GLRA2: variants seen among roughly 807,000 people sequenced by gnomAD.
The protein encoded by GLRA2 is glycine receptor alpha 2.
GLRA2 carries 11 observed loss-of-function variants against 31.6 expected under a neutral mutation model. That is an observed-to-expected ratio of 0.35 (90% confidence interval 0.22 to 0.58). The LOEUF (loss-of-function observed/expected upper bound fraction) is 0.58. Among genes scored for constraint, GLRA2 ranks in the 20% least tolerant of loss-of-function variants. The pLI, the probability that GLRA2 is intolerant of heterozygous loss-of-function variation, is 0.84. For missense variants in GLRA2, 212 were observed against 351.8 expected (o/e 0.60, Z 3.18); for synonymous variants, 132 against 134.0 (o/e 0.99, Z 0.10).
rs143234039 is a variant in GLRA2, at chrX:14,662,671, T to C, written c.931-28039T>C. On this transcript the variant is annotated intron_variant, in intron 7 of 8. Coordinates refer to ENST00000218075, the MANE Select transcript of GLRA2 (RefSeq NM_002063.4). Reference sequence around the variant, plus strand: ...AAGTCTTCCCTGACCACATATACTATGGGCACAGTACCTAAGTTTGCATCT... The same window carrying C: ...AAGTCTTCCCTGACCACATATACTACGGGCACAGTACCTAAGTTTGCATCT... Among the ~76,000 whole-genome samples the C allele has an allele frequency of 5.1e-3, 569 of 111,772 alleles. 6 individuals are homozygous for C. The highest frequency in any genetic ancestry group is 0.017 in the African/African-American group (526 of 30,857).
At chrX:14,576,142 T>C (rs989711901) in intron 3 of GLRA2, among the ~76,000 whole-genome samples, 8 of 111,018 alleles carry the variant, frequency 7.2e-5, no homozygotes, top group African/African-American at 2.6e-4. Flanking sequence ...AATAAATTAC[T>C]GTTCTTTGTG....
chrX:14,653,568 T>A (rs753654480), intron 7 of GLRA2, among the ~76,000 whole-genome samples: 3 of 111,719 alleles, frequency 2.7e-5, no homozygotes, highest in Admixed American at 1.9e-4. Context: ...AGATGAGGAG[T>A]TGATGAAGAA....
chrX:14,615,348 T>C (rs1481231060), intron 7 of GLRA2, among the ~76,000 whole-genome samples: 1 of 112,333 alleles, frequency 8.9e-6, no homozygotes, highest in Non-Finnish European at 1.9e-5. Context: ...ACTTATTGAA[T>C]GTTTTATCTG....
chrX:14,570,887 G>T (rs1372784521), intron 2 of GLRA2, among the ~76,000 whole-genome samples: 4 of 111,413 alleles, frequency 3.6e-5, no homozygotes. Flanking sequence ...CTTGGTGCTG[G>T]GGGCAGATGA....
chrX:14,607,277 C>CTTTTTTT lies in GLRA2; in HGVS notation c.715+18_715+24dup. 1.0e-6 allele frequency: 1 copy of CTTTTTTT among 981,280 alleles called. No homozygotes were observed. The highest frequency in any genetic ancestry group is 1.4e-6 in the Non-Finnish European group (1 of 734,376). 80.9% of individuals were successfully genotyped at this position (981,280 alleles called of 1,213,427 possible). ...AAAGCACTACAACACTGGTAAGTTTCTTTTTTTTTTTTTTTCAGCTGTTAA... is the reference window on the plus strand; with the variant it reads ...AAAGCACTACAACACTGGTAAGTTTCTTTTTTTTTTTTTTTTTTTTTTCAGCTGTTAA... On this transcript the variant is annotated intron_variant, in intron 6 of 8. Transcript: ENST00000218075.
chrX:14,567,324 T>C (rs1044522511), intron 2 of GLRA2, among the ~76,000 whole-genome samples: 1 of 111,981 alleles, frequency 8.9e-6, no homozygotes, highest in African/African-American at 3.2e-5. Flanking sequence ...ATATACCACA[T>C]TAATAGAATG....
At chrX:14,555,318 G>A (rs1228855159) in intron 2 of GLRA2, among the ~76,000 whole-genome samples, 1 of 112,200 alleles carries the variant, frequency 8.9e-6, no homozygotes. Context: ...GAACTTGAGA[G>A]TTAGGTGAAG....
chrX:14,689,652 C>A (rs2091322664), intron 7 of GLRA2, among the ~76,000 whole-genome samples: 1 of 112,005 alleles, frequency 8.9e-6, no homozygotes, highest in Non-Finnish European at 1.9e-5. Context: ...AAAATTCACA[C>A]ATGTAAAATG....
the GLRA2 span, among the ~76,000 whole-genome samples, chrX:14,462,152 C>G: frequency 1.8e-5 from 2 of 112,043 alleles, no homozygotes; most frequent in Non-Finnish European, 3.8e-5. Context: ...AAATTCTTTT[C>G]TTTAAGAATG....
chrX:14,564,324 GA>G (rs768523339), intron 2 of GLRA2, among the ~76,000 whole-genome samples: 63 of 102,026 alleles, frequency 6.2e-4, no homozygotes, highest in South Asian at 1.7e-3. Flanking sequence ...AGTGCTGAGA[GA>G]AAAAAAAAAA....
intron 3 of GLRA2, among the ~76,000 whole-genome samples, chrX:14,577,612 C>T (rs1454872800): frequency 8.9e-6 from 1 of 112,107 alleles, no homozygotes; most frequent in Non-Finnish European, 1.9e-5. Context: ...TTACAGACTG[C>T]TGACTTCCTC....
intron 8 of GLRA2, among the ~76,000 whole-genome samples, chrX:14,726,157 T>C (rs1314744550): frequency 8.9e-6 from 1 of 112,459 alleles, no homozygotes; most frequent in East Asian, 2.8e-4. Context: ...TTCTTTATTT[T>C]AGTTTCAGTT....
At chrX:14,599,265 G>C (rs769648884) in intron 4 of GLRA2, among the ~76,000 whole-genome samples, 5 of 112,367 alleles carry the variant, frequency 4.4e-5, no homozygotes, top group Non-Finnish European at 9.4e-5. Flanking sequence ...AAAAGGAAGA[G>C]GGGCAGCCTC....
At chrX:14,666,427 TTAGCCCCTCTCTGA>T (rs1046761814) in intron 7 of GLRA2, among the ~76,000 whole-genome samples, 1 of 111,869 alleles carries the variant, frequency 8.9e-6, no homozygotes, top group Non-Finnish European at 1.9e-5. Context: ...AGCAGGAAAG[TTAGCCCCTCTCTGA>T]TAGCATTGAT....
At chrX:14,493,615 A>G in the GLRA2 span, among the ~76,000 whole-genome samples, 80 of 100,120 alleles carry the variant, frequency 8.0e-4, no homozygotes, top group African/African-American at 2.8e-3. Flanking sequence ...ACATATACAC[A>G]TATATACACA....
intron 7 of GLRA2, among the ~76,000 whole-genome samples, chrX:14,645,553 G>A (rs1454702494): frequency 9.0e-6 from 1 of 111,488 alleles, no homozygotes; most frequent in East Asian, 2.8e-4. Context: ...CGTGCAAATG[G>A]CAGAGCCATT....
the GLRA2 span, among the ~76,000 whole-genome samples, chrX:14,507,337 T>C: frequency 8.9e-6 from 1 of 112,385 alleles, no homozygotes; most frequent in Admixed American, 9.5e-5. Flanking sequence ...TAAATCTCAC[T>C]TTTTTAGCCG....
chrX:14,668,654 G>A (rs888579641), intron 7 of GLRA2, among the ~76,000 whole-genome samples: 1 of 112,296 alleles, frequency 8.9e-6, no homozygotes, highest in African/African-American at 3.2e-5. Context: ...GACAAGAGAA[G>A]AGAGCTTGTG....
the GLRA2 span, among the ~76,000 whole-genome samples, chrX:14,507,748 T>TGCACTG: frequency 2.2e-5 from 2 of 90,308 alleles, no homozygotes; most frequent in Admixed American, 1.3e-4. Context: ...CAGGCTGGAG[T>TGCACTG]GCACTGGCAC....
Sources: gnomAD v4.1 joint callset for allele counts (sites outside exome capture counted in the v4.1 genomes callset) on GRCh38, gnomAD v4.1.1 for gene constraint, MANE v1.5 for transcripts, NCBI Gene and HGNC (gene_info 2026-07-23, HGNC 2026-07-21) for gene names.